FAM162A: variants seen among roughly 807,000 people sequenced by gnomAD.
The protein encoded by FAM162A is family with sequence similarity 162 member A.
FAM162A carries 23 observed loss-of-function variants against 21.8 expected under a neutral mutation model. That is an observed-to-expected ratio of 1.05 (90% CI 0.76 to 1.49). The LOEUF (loss-of-function observed/expected upper bound fraction) is 1.49, where lower values mean the gene tolerates loss of function less well. FAM162A is among the 40% of genes most tolerant of loss of function. FAM162A has a pLI of 0.00. For synonymous variants in FAM162A, 53 were observed against 61.3 expected, an observed-to-expected ratio of 0.86 and a Z score of 0.64; for missense variants, 165 against 186.4, an observed-to-expected ratio of 0.89 and a Z score of 0.67.
At chr3:122,391,412 A>T (rs1262265715) in intron 1 of FAM162A, among the ~76,000 whole-genome samples, 3 of 152,206 alleles carry the variant, frequency 2.0e-5, no homozygotes, top group Non-Finnish European at 4.4e-5. Context: ...TAACATTTTT[A>T]AAAATATTTT....
In FAM162A at chr3:122,384,298, A is replaced by G. The variant is rs749620914; in HGVS notation, c.33A>G (p.Ala11=). 4.4e-6 allele frequency: 7 copies of G among 1,577,280 alleles called. No homozygotes were observed. The highest frequency in any genetic ancestry group is 6.0e-6 in the Non-Finnish European group (7 of 1,161,828). Residue 11 remains alanine, a splice_region_variant and synonymous_variant, in exon 1 of 5, where the codon GCA becomes GCG. Transcript: ENST00000477892. ...GCCTCAGCGGTCTGCGCCTGGCAGC[A>G]GGTGAGACGCCGGTCGGGATATGGG... The part of the protein sequence containing the change: MGSLSGLRLA[A]GSCFRLCERD...
intron 2 of FAM162A, among the ~76,000 whole-genome samples, chr3:122,403,913 A>G (rs2075665307): frequency 1.3e-5 from 2 of 152,146 alleles, no homozygotes; most frequent in Admixed American, 1.3e-4. Flanking sequence ...CCTTCCTAAA[A>G]CATTAGTTTC....
At chr3:122,403,664 A>C (rs2075662517) in intron 2 of FAM162A, among the ~76,000 whole-genome samples, 1 of 152,072 alleles carries the variant, frequency 6.6e-6, no homozygotes, top group South Asian at 2.1e-4. Context: ...TTTTAGTTAC[A>C]ATACTGCTGT....
At chr3:122,390,233 A>G (rs991439914) in intron 1 of FAM162A, among the ~76,000 whole-genome samples, 15 of 152,240 alleles carry the variant, frequency 9.9e-5, no homozygotes, top group African/African-American at 3.6e-4. Context: ...GTTTGGTACG[A>G]CATCCCTCAG....
chr3:122,406,449 C>T (rs888258454), intron 3 of FAM162A, among the ~76,000 whole-genome samples: 1 of 152,190 alleles, frequency 6.6e-6, no homozygotes, highest in Non-Finnish European at 1.5e-5. Context: ...GCAAAATCAC[C>T]AAGGTAGATT....
chr3:122,387,394 C>T (rs1223038041), intron 1 of FAM162A, among the ~76,000 whole-genome samples: 1 of 152,070 alleles, frequency 6.6e-6, no homozygotes, highest in East Asian at 1.9e-4. Context: ...TTAGTTTAAC[C>T]CACATCTCAG....
chr3:122,408,699 A>G (rs1259085323), intron 4 of FAM162A, among the ~76,000 whole-genome samples: 2 of 152,198 alleles, frequency 1.3e-5, no homozygotes, highest in South Asian at 2.1e-4. Flanking sequence ...ACATGTGGAC[A>G]GGACTGTGAG....
intron 1 of FAM162A, 120 bp downstream of exon 1, chr3:122,384,419 C>T (rs939123518): frequency 1.1e-5 from 13 of 1,212,126 alleles, no homozygotes; most frequent in Middle Eastern, 1.9e-4. Context: ...TTTCTCGGTT[C>T]CTCAGAATCC....
At chr3:122,401,488 G>T (rs2075653451) in intron 1 of FAM162A, 2 of 1,251,576 alleles carry the variant, frequency 1.6e-6, no homozygotes, top group Non-Finnish European at 2.1e-6. Context: ...CTATCTCTTC[G>T]CAAAGATTTA....
In FAM162A at chr3:122,409,901, G is replaced by C. The variant is rs1469666810; in HGVS notation, c.*70G>C. ...GTTATAACGTGCCTGTATTAAAAAG[G>C]ATGTGGTATGAGGATCCATTTCATA... On this transcript the variant is annotated 3_prime_UTR_variant, in exon 5 of 5. Coordinates refer to ENST00000477892, the MANE Select transcript of FAM162A (RefSeq NM_014367.4). 1.5e-6 allele frequency: 2 copies of C among 1,301,784 alleles called. No homozygotes were observed. The highest frequency in any genetic ancestry group is 2.3e-5 in the East Asian group (1 of 43,198). The allele number at this position is 1,301,784 out of a possible 1,614,324, so 80.6% of individuals were successfully genotyped here. A position where few individuals can be genotyped will look rare whatever the true frequency, so the allele number is the denominator to read the frequency against.
chr3:122,395,820 C>T (rs2075624349), intron 1 of FAM162A, among the ~76,000 whole-genome samples: 1 of 152,242 alleles, frequency 6.6e-6, no homozygotes, highest in Non-Finnish European at 1.5e-5. Flanking sequence ...ATAATTAAGA[C>T]AGTGTGGTGC....
chr3:122,384,573 G>C (rs1214025883), intron 1 of FAM162A, among the ~76,000 whole-genome samples: 2 of 151,414 alleles, frequency 1.3e-5, no homozygotes, highest in Non-Finnish European at 2.9e-5. Flanking sequence ...CCCCACCCCC[G>C]TCCTCAGCCT....
chr3:122,399,377 G>A (rs2107698822), intron 1 of FAM162A, among the ~76,000 whole-genome samples: 1 of 152,136 alleles, frequency 6.6e-6, no homozygotes, highest in Non-Finnish European at 1.5e-5. Context: ...AGGTTGGAGT[G>A]CACTGTCATG....
intron 4 of FAM162A, 48 bp from the exon 5 acceptor site, chr3:122,409,691 T>TC: frequency 6.4e-7 from 1 of 1,551,290 alleles, no homozygotes; most frequent in Non-Finnish European, 8.9e-7. Context: ...AAAGACACCC[T>TC]CCCCTGACCA....
rs189369215 is a variant in FAM162A, at chr3:122,389,315, A to C, written c.34+5016A>C. Among the ~76,000 whole-genome samples, 346 of 152,240 alleles carry C rather than the reference A, an allele frequency of 2.3e-3. 2 individuals are homozygous for C. Among genetic ancestry groups the C allele is most frequent in the Non-Finnish European group, 4.5e-3 (303 of 68,010 alleles). On this transcript the variant is annotated intron_variant, in intron 1 of 4. Coordinates refer to ENST00000477892, the MANE Select transcript of FAM162A (RefSeq NM_014367.4). ...TGTTATTGTAGAGTAATAAGACAGA[A>C]TTCTCAGTAACTACTAGTAGAAGTT...
At chr3:122,396,964 G>A (rs2075631416) in intron 1 of FAM162A, among the ~76,000 whole-genome samples, 1 of 152,174 alleles carries the variant, frequency 6.6e-6, no homozygotes, top group Admixed American at 6.5e-5. Context: ...GGAGGAAACA[G>A]GGAATGACTG....
At chr3:122,386,577 A>G (rs955360740) in intron 1 of FAM162A, among the ~76,000 whole-genome samples, 2 of 151,998 alleles carry the variant, frequency 1.3e-5, no homozygotes, top group African/African-American at 2.4e-5. Flanking sequence ...AAAAAAAAGA[A>G]AAGAAGCATA....
At chr3:122,390,229 T>A (rs1264916599) in intron 1 of FAM162A, among the ~76,000 whole-genome samples, 1 of 152,154 alleles carries the variant, frequency 6.6e-6, no homozygotes, top group Admixed American at 6.5e-5. Context: ...ATAAGTTTGG[T>A]ACGACATCCC....
chr3:122,391,309 C>T (rs183172301), intron 1 of FAM162A, among the ~76,000 whole-genome samples: 215 of 152,356 alleles, frequency 1.4e-3, no homozygotes, highest in Non-Finnish European at 2.7e-3. Context: ...CCTTCTGCCT[C>T]AGCCTCCTGA....
Sources: gnomAD v4.1 joint callset for allele counts (sites outside exome capture counted in the v4.1 genomes callset) on GRCh38, gnomAD v4.1.1 for gene constraint, MANE v1.5 for transcripts, NCBI Gene and HGNC (gene_info 2026-07-23, HGNC 2026-07-21) for gene names.